The following KIF13B variants were observed in gnomAD, a reference collection of about 807,000 sequenced individuals.
KIF13B encodes kinesin-like protein KIF13B.
Under a neutral mutation model 222.0 loss-of-function variants are expected in KIF13B, and 127 were observed. That is an observed-to-expected ratio of 0.57 (90% CI 0.50 to 0.66). The LOEUF (loss-of-function observed/expected upper bound fraction) is 0.66. Ranked by LOEUF, KIF13B falls within the 30% of genes least tolerant of loss-of-function variation. The pLI is 0.00. For missense variants in KIF13B, 2,173 were observed against 2,379.0 expected (o/e 0.91, Z 1.80); for synonymous variants, 976 against 919.0 (o/e 1.06, Z -1.12).
chr8:29,154,213 A>C (rs1811418112), intron 14 of KIF13B, among the ~76,000 whole-genome samples: 1 of 152,190 alleles, frequency 6.6e-6, no homozygotes. Context: ...GCTACTCAGC[A>C]GGACGAGGTG....
At chr8:29,257,089 A>C (rs1229650707) in intron 1 of KIF13B, among the ~76,000 whole-genome samples, 1 of 152,224 alleles carries the variant, frequency 6.6e-6, no homozygotes, top group African/African-American at 2.4e-5. Flanking sequence ...TTGAAGAATA[A>C]AATAATGCAT....
rs540448254 is a variant in KIF13B at position 29,187,550 on chromosome 8, G to A, written c.316+965C>T. ...CGTCTCAAAATAAAAGATTTTCTCC[G>A]TTGTAAAAGAAATATATATTAAATA... On this transcript the variant is annotated intron_variant, in intron 5 of 39. Transcript: ENST00000524189. Among the ~76,000 whole-genome samples, 129 of 152,144 alleles carry A rather than the reference G, an allele frequency of 8.5e-4. 1 individual carries two copies. Among genetic ancestry groups the A allele is most frequent in the African/African-American group, 2.6e-3 (108 of 41,526 alleles).
Position 29,071,903 on chromosome 8 carries a change from C to A in KIF13B, c.4935G>T (p.Pro1645=). ...AGGCCCGCACCCTCCGGACGCGGAA[C>A]GGGGAGCCGGGCGCCGGGGCCTCGA... ...PDLEAPAPGS[P]FRVRRVRASE... Residue 1645 remains proline (P), a synonymous_variant, in exon 39 of 40, where the codon CCG becomes CCT. Transcript: ENST00000524189. This position sits in a 1 kb window ranked among gnomAD's most constrained non-coding sequence, Gnocchi z 4.9. 1 of 1,460,746 alleles carries A rather than the reference C, an allele frequency of 6.8e-7. No homozygotes were observed. Among genetic ancestry groups the A allele is most frequent in the Non-Finnish European group, 8.9e-7 (1 of 1,119,094 alleles). The allele number at this position is 1,460,746 out of a possible 1,614,324, so 90.5% of individuals were successfully genotyped here.
chr8:29,135,980 T>C (rs945542132), intron 21 of KIF13B, among the ~76,000 whole-genome samples: 1 of 151,962 alleles, frequency 6.6e-6, no homozygotes, highest in Non-Finnish European at 1.5e-5. Flanking sequence ...TCTTCCATAC[T>C]AGACATATAA....
intron 34 of KIF13B, 146 bp downstream of exon 34, chr8:29,109,288 G>T (rs1809242303): frequency 3.0e-6 from 2 of 671,294 alleles, no homozygotes; most frequent in South Asian, 1.7e-5. Context: ...CAGACCCAGT[G>T]GGGTGGAGAC....
At chr8:29,213,831 G>A (rs1814347925) in intron 2 of KIF13B, among the ~76,000 whole-genome samples, 1 of 152,032 alleles carries the variant, frequency 6.6e-6, no homozygotes, top group African/African-American at 2.4e-5. Context: ...GCAGGCTCCT[G>A]TAATCCCAGG....
At chr8:29,203,521 G>A (rs1218152736) in intron 2 of KIF13B, among the ~76,000 whole-genome samples, 1 of 152,122 alleles carries the variant, frequency 6.6e-6, no homozygotes, top group Admixed American at 6.6e-5. Context: ...CTAAAATCAT[G>A]TCCAAAACAA....
At chr8:29,228,473 A>AAAAAAAAAAAATG (rs369624890) in intron 2 of KIF13B, among the ~76,000 whole-genome samples, 1 of 17,756 alleles carries the variant, frequency 5.6e-5, no homozygotes, top group African/African-American at 1.0e-4. Flanking sequence ...TCTTAAAAAA[A>AAAAAAAAAAAATG]TATATATATA....
At chr8:29,105,804 G>A (rs1366576523) in intron 35 of KIF13B, among the ~76,000 whole-genome samples, 4 of 151,602 alleles carry the variant, frequency 2.6e-5, no homozygotes, top group Non-Finnish European at 4.4e-5. Flanking sequence ...GATTACAGGC[G>A]CCTGGCACCA....
intron 26 of KIF13B, among the ~76,000 whole-genome samples, chr8:29,125,829 T>C (rs1309977463): frequency 1.3e-5 from 2 of 151,360 alleles, no homozygotes; most frequent in African/African-American, 2.4e-5. Context: ...CAAAATTCAG[T>C]CGGGCGCGGT....
chr8:29,126,886 T>A (rs893368761), intron 25 of KIF13B, among the ~76,000 whole-genome samples: 2 of 152,094 alleles, frequency 1.3e-5, no homozygotes, highest in African/African-American at 4.8e-5. Context: ...CACTGTGGAA[T>A]CTATGAAGGC....
Position 29,160,754 on chromosome 8 carries a change from C to T in KIF13B, c.1383G>A (p.Glu461=), listed in dbSNP as rs1238806514. ...VNLNADPALN[E]LLVYYLKEHT... Reference sequence around the variant, plus strand: ...TCACCTTTAAATAGTACACCAGAAGCTCATTCAGAGCTGGGTCAGCATTCA... The same window carrying T: ...TCACCTTTAAATAGTACACCAGAAGTTCATTCAGAGCTGGGTCAGCATTCA... Residue 461 remains glutamate (E), a synonymous_variant, in exon 13 of 40, where the codon GAG becomes GAA. Transcript: ENST00000524189. 5 of 1,613,392 alleles carry T rather than the reference C, an allele frequency of 3.1e-6. No homozygotes were observed. Among genetic ancestry groups the T allele is most frequent in the Non-Finnish European group, 3.4e-6 (4 of 1,179,686 alleles).
intron 33 of KIF13B, 27 bp from the exon 34 acceptor site, chr8:29,109,538 A>C (rs1809255687): frequency 1.3e-6 from 2 of 1,592,082 alleles, no homozygotes; most frequent in African/African-American, 1.3e-5. Flanking sequence ...ATACAGAGGA[A>C]AAAGACATGT....
chr8:29,187,430 C>G (rs1396160815), intron 5 of KIF13B, among the ~76,000 whole-genome samples: 1 of 152,156 alleles, frequency 6.6e-6, no homozygotes, highest in East Asian at 1.9e-4. Context: ...ACTCCGGAGG[C>G]TGAGGCAGAA....
intron 35 of KIF13B, among the ~76,000 whole-genome samples, chr8:29,105,487 TCCATGCCCTCTG>T (rs1419454958): frequency 2.6e-5 from 4 of 151,982 alleles, no homozygotes; most frequent in Non-Finnish European, 5.9e-5. Context: ...CAGTGGGGGG[TCCATGCCCTCTG>T]CCATGCCCTG....
intron 29 of KIF13B, among the ~76,000 whole-genome samples, chr8:29,121,142 A>ATC (rs1563718559): frequency 2.0e-5 from 3 of 151,276 alleles, no homozygotes; most frequent in African/African-American, 4.9e-5. Context: ...AAGGTAATTT[A>ATC]CAGATTCAAT....
At chr8:29,210,566 G>A (rs1250908879) in intron 2 of KIF13B, among the ~76,000 whole-genome samples, 1 of 152,180 alleles carries the variant, frequency 6.6e-6, no homozygotes, top group African/African-American at 2.4e-5. Flanking sequence ...GAAACAAAAA[G>A]TGTATGGCAG....
At chr8:29,101,781 C>T (rs763958709) in intron 35 of KIF13B, among the ~76,000 whole-genome samples, 6 of 152,166 alleles carry the variant, frequency 3.9e-5, no homozygotes, top group Admixed American at 6.5e-5. Context: ...GACCTCAAAT[C>T]GCGCTGGGAT....
At chr8:29,219,282 G>C (rs942220424) in intron 2 of KIF13B, 4 of 152,194 alleles carry the variant, frequency 2.6e-5, no homozygotes, top group African/African-American at 9.7e-5. Flanking sequence ...GCCGATGCCA[G>C]GCAGACCCAA....
Sources: allele counts gnomAD v4.1 joint callset (sites outside exome capture counted in the v4.1 genomes callset), GRCh38; gene constraint gnomAD v4.1.1; non-coding constraint Gnocchi (gnomAD v3.1); transcripts MANE v1.5; gene names NCBI Gene and HGNC (gene_info 2026-07-23, HGNC 2026-07-21).